PTP4A1: variants seen among roughly 807,000 people sequenced by gnomAD.
The protein encoded by PTP4A1 is protein tyrosine phosphatase type IVA 1.
PTP4A1 carries 9 observed loss-of-function variants against 20.5 expected under a neutral mutation model. The observed-to-expected ratio is 0.44, with a 90% CI of 0.26 to 0.77. The LOEUF (loss-of-function observed/expected upper bound fraction) is 0.77, where lower values mean the gene tolerates loss of function less well. PTP4A1 is among the 30% of genes least tolerant of loss of function. The pLI is 0.19. For synonymous variants in PTP4A1, 78 were observed against 67.4 expected (o/e 1.16, Z -0.77); for missense variants, 137 against 218.8 (o/e 0.63, Z 2.36).
intron 2 of PTP4A1, among the ~76,000 whole-genome samples, chr6:63,532,016 G>A (rs1385883754): frequency 1.3e-5 from 2 of 151,996 alleles, no homozygotes; most frequent in Non-Finnish European, 2.9e-5. Context: ...GGTGAGGCTG[G>A]TCTTGAACTC....
At chr6:63,516,546 T>G in the PTP4A1 span, among the ~76,000 whole-genome samples, 2 of 152,228 alleles carry the variant, frequency 1.3e-5, no homozygotes, top group Non-Finnish European at 2.9e-5. Context: ...TAACTTCTTA[T>G]GACTCAATTT....
rs1327842392 is a variant in PTP4A1, at chr6:63,582,952, A to T, written c.*2778A>T. 6.6e-6 allele frequency: 1 copy of T among 152,182 alleles called. No homozygotes were observed. The highest frequency in any genetic ancestry group is 1.5e-5 in the Non-Finnish European group (1 of 68,040). The allele number at this position is 152,182 out of a possible 1,614,324, so 9.4% of individuals were successfully genotyped here. ...GTGCTTCAAAATGATGTAGTCCCTC[A>T]ACTTGGCTAAAGAATCTCAATCTCT... On this transcript the variant is annotated 3_prime_UTR_variant, in exon 6 of 6. Transcript: ENST00000626021.
intron 3 of PTP4A1, among the ~76,000 whole-genome samples, chr6:63,563,522 C>T (rs369773330): frequency 5.9e-5 from 9 of 152,184 alleles, no homozygotes; most frequent in East Asian, 5.8e-4. Flanking sequence ...AGTAAGTCAC[C>T]CCAGCCATTC....
At chr6:63,551,115 G>A (rs755129465) in intron 3 of PTP4A1, among the ~76,000 whole-genome samples, 1 of 152,006 alleles carries the variant, frequency 6.6e-6, no homozygotes, top group African/African-American at 2.4e-5. Flanking sequence ...GCCCAGGCTG[G>A]AGCACAGTTG....
intron 5 of PTP4A1, 29 bp downstream of exon 5, chr6:63,579,360 A>G (rs749573054): frequency 2.8e-5 from 43 of 1,509,988 alleles, no homozygotes; most frequent in Non-Finnish European, 3.6e-5. Context: ...TTTCATTTGT[A>G]CTCTCTTTCA....
chr6:63,561,151 A>G (rs1205514272), intron 3 of PTP4A1, among the ~76,000 whole-genome samples: 1 of 152,236 alleles, frequency 6.6e-6, no homozygotes. Context: ...CCATGAGTAC[A>G]GCCTAACAGA....
chr6:63,575,387 C>CT (rs762611610), intron 1 of PTP4A1, among the ~76,000 whole-genome samples: 1 of 152,140 alleles, frequency 6.6e-6, no homozygotes, highest in Admixed American at 6.5e-5. Flanking sequence ...TGGAAGAAGA[C>CT]TGATTATTAA....
chr6:63,542,340 A>G (rs528419747), intron 2 of PTP4A1, among the ~76,000 whole-genome samples: 12 of 152,106 alleles, frequency 7.9e-5, no homozygotes, highest in Non-Finnish European at 1.5e-4. Context: ...TGCTCGGGTG[A>G]TGGGTGCACC....
intron 2 of PTP4A1, among the ~76,000 whole-genome samples, chr6:63,546,930 C>G (rs1332512141): frequency 6.6e-6 from 1 of 152,126 alleles, no homozygotes; most frequent in African/African-American, 2.4e-5. Flanking sequence ...AAACATCACA[C>G]AGTACACCAT....
upstream of PTP4A1, chr6:63,571,564 CA>C (rs1777426577): frequency 6.6e-6 from 1 of 152,194 alleles, no homozygotes; most frequent in Non-Finnish European, 1.5e-5. Context: ...AGCTTTGACG[CA>C]AAGAATTACA....
intron 2 of PTP4A1, among the ~76,000 whole-genome samples, chr6:63,529,217 G>GTGTATATATAT (rs1775344989): frequency 2.0e-5 from 3 of 146,580 alleles, no homozygotes; most frequent in African/African-American, 7.5e-5. Flanking sequence ...ATATATATTT[G>GTGTATATATAT]CTAATAACTT....
chr6:63,537,190 G>C (rs996493496), intron 2 of PTP4A1, among the ~76,000 whole-genome samples: 1 of 152,102 alleles, frequency 6.6e-6, no homozygotes, highest in Non-Finnish European at 1.5e-5. Context: ...AGAGGGTGGG[G>C]ACAGTAGAAG....
intron 2 of PTP4A1, among the ~76,000 whole-genome samples, chr6:63,541,004 A>G (rs1316565444): frequency 1.4e-5 from 2 of 146,152 alleles, no homozygotes; most frequent in Non-Finnish European, 3.0e-5. Context: ...CTCTGTCAAA[A>G]AAAAGGAAGG....
At chr6:63,553,324 C>T (rs766560401) in intron 3 of PTP4A1, among the ~76,000 whole-genome samples, 1 of 152,144 alleles carries the variant, frequency 6.6e-6, no homozygotes, top group African/African-American at 2.4e-5. Flanking sequence ...ATGCTGTTAG[C>T]GACTCGGGTT....
At chr6:63,519,225 G>C (rs1054517367), upstream of PTP4A1, among the ~76,000 whole-genome samples, 1 of 151,766 alleles carries the variant, frequency 6.6e-6, no homozygotes, top group Non-Finnish European at 1.5e-5. Flanking sequence ...GAGAATCACT[G>C]AAACCTGGGA....
intron 2 of PTP4A1, among the ~76,000 whole-genome samples, chr6:63,577,688 C>T (rs1032686888): frequency 1.3e-5 from 2 of 152,118 alleles, no homozygotes; most frequent in African/African-American, 4.8e-5. Context: ...TCCCAAGTAG[C>T]TGAGACTACA....
chr6:63,562,147 A>C (rs1218563520), intron 3 of PTP4A1, among the ~76,000 whole-genome samples: 1 of 151,332 alleles, frequency 6.6e-6, no homozygotes, highest in Non-Finnish European at 1.5e-5. Context: ...ATTTCTTTTT[A>C]TTTAACATTA....
chr6:63,546,980 A>C (rs1776219701), intron 2 of PTP4A1, among the ~76,000 whole-genome samples: 1 of 152,146 alleles, frequency 6.6e-6, no homozygotes, highest in African/African-American at 2.4e-5. Flanking sequence ...TTAAACCTTA[A>C]TAAAGTTGAT....
upstream of PTP4A1, among the ~76,000 whole-genome samples, chr6:63,521,115 G>A (rs1487779171): frequency 1.3e-5 from 2 of 152,010 alleles, no homozygotes; most frequent in African/African-American, 2.4e-5. Flanking sequence ...GAGAGCATGC[G>A]GGGCTTAAAA....
Sources: gnomAD v4.1 joint callset for allele counts (sites outside exome capture counted in the v4.1 genomes callset) on GRCh38, gnomAD v4.1.1 for gene constraint, MANE v1.5 for transcripts, NCBI Gene and HGNC (gene_info 2026-07-23, HGNC 2026-07-21) for gene names.